MSR1: variants seen among roughly 807,000 people sequenced by gnomAD.
MSR1 encodes the protein macrophage scavenger receptor types I and II.
A neutral mutation model predicts 47.2 loss-of-function variants in MSR1; 53 were observed. That is an observed-to-expected ratio of 1.12 (90% confidence interval 0.90 to 1.41). The LOEUF (loss-of-function observed/expected upper bound fraction) is 1.41, where lower values mean the gene tolerates loss of function less well. MSR1 is among the 40% of genes most tolerant of loss of function. The pLI, the probability that MSR1 is intolerant of heterozygous loss-of-function variation, is 0.00. For missense variants in MSR1, 786 were observed against 546.9 expected (o/e 1.44, Z -4.36); for synonymous variants, 239 against 185.6 (o/e 1.29, Z -2.34).
intron 5 of MSR1, among the ~76,000 whole-genome samples, chr8:16,159,802 G>T (rs1344693573): frequency 6.6e-6 from 1 of 151,888 alleles, no homozygotes; most frequent in East Asian, 1.9e-4. Flanking sequence ...ACAGAAATAA[G>T]TATCAGCTGG....
Position 16,164,238 on chromosome 8 carries a change from A to T in MSR1, c.644T>A (p.Leu215Ter), listed in dbSNP as rs771228917. 2 of 1,611,566 alleles carry T rather than the reference A, an allele frequency of 1.2e-6. No individual in the cohort carries two copies. Among genetic ancestry groups the T allele is most frequent in the Admixed American group, 3.3e-5 (2 of 59,932 alleles). ...TFKQQEEISK[L>*]EERVYNVSAE... ...TGATACATTGTAAACACGCTCCTCT[A>T]ATTTACTGATTTCCTGTAAAACATA... Residue 215 changes from leucine (L) to a stop codon, truncating the protein, a stop_gained, in exon 5 of 10, where the codon TTA becomes TAA. Transcript: ENST00000262101. LOFTEE classifies it high-confidence loss of function.
chr8:16,177,614 G>T (rs189204819), intron 2 of MSR1, among the ~76,000 whole-genome samples: 57 of 152,050 alleles, frequency 3.7e-4, no homozygotes, highest in African/African-American at 1.3e-3. Context: ...ATTAGCTCAC[G>T]GTGCTAGGAT....
At chr8:16,141,972 G>C (rs1271122636) in intron 8 of MSR1, among the ~76,000 whole-genome samples, 1 of 152,162 alleles carries the variant, frequency 6.6e-6, no homozygotes, top group Non-Finnish European at 1.5e-5. Flanking sequence ...AACTTTTTAA[G>C]AGGAACTCAG....
chr8:16,122,242 A>T (rs1478972408), intron 8 of MSR1, among the ~76,000 whole-genome samples: 1 of 152,164 alleles, frequency 6.6e-6, no homozygotes, highest in Non-Finnish European at 1.5e-5. Context: ...ATTTACTAGT[A>T]AAATTCCTGA....
At chr8:16,159,340 G>C (rs140373656) in intron 5 of MSR1, among the ~76,000 whole-genome samples, 1,642 of 151,628 alleles carry the variant, frequency 0.011, 31 homozygotes, top group African/African-American at 0.037. Flanking sequence ...GTTCATCTTT[G>C]CTTCTTTAAA....
chr8:16,158,068 A>G (rs1011248444), intron 5 of MSR1, among the ~76,000 whole-genome samples: 1 of 151,990 alleles, frequency 6.6e-6, no homozygotes, highest in African/African-American at 2.4e-5. Flanking sequence ...GCATCAATAA[A>G]TGGACAAAAT....
At chr8:16,142,451 A>T (rs1461117788) in intron 8 of MSR1, among the ~76,000 whole-genome samples, 1 of 152,170 alleles carries the variant, frequency 6.6e-6, no homozygotes, top group Non-Finnish European at 1.5e-5. Flanking sequence ...TATTGTTTTA[A>T]TATAACAGTA....
chr8:16,177,815 G>A, intron 2 of MSR1, 71 bp downstream of exon 2: 3 of 1,228,004 alleles, frequency 2.4e-6, no homozygotes, highest in South Asian at 1.2e-5. Flanking sequence ...TAAGTCTCAA[G>A]ACTATAATTT....
At chr8:16,111,015 A>G (rs1214471082) in intron 9 of MSR1, among the ~76,000 whole-genome samples, 1 of 151,896 alleles carries the variant, frequency 6.6e-6, no homozygotes, top group African/African-American at 2.4e-5. Context: ...TGATCTCAAA[A>G]TCAGAAACCT....
chr8:16,182,857 T>A (rs114325114), intron 1 of MSR1, among the ~76,000 whole-genome samples: 149 of 152,278 alleles, frequency 9.8e-4, no homozygotes, highest in African/African-American at 3.4e-3. Flanking sequence ...TTAAGAAGTA[T>A]AATATGGTAA....
chr8:16,140,490 G>C (rs1484257652), intron 8 of MSR1: 3 of 990,948 alleles, frequency 3.0e-6, no homozygotes, highest in East Asian at 1.1e-4. Context: ...CATGAGCAAA[G>C]CATGGCGAGA....
intron 1 of MSR1, chr8:16,186,398 T>A: frequency 1.8e-6 from 1 of 547,736 alleles, no homozygotes; most frequent in Non-Finnish European, 3.2e-6. Context: ...CTCTTGCCCA[T>A]AGCTCGTCTC....
intron 8 of MSR1, 122 bp from the exon 9 acceptor site, chr8:16,120,728 C>A: frequency 8.5e-7 from 1 of 1,176,296 alleles, no homozygotes; most frequent in Non-Finnish European, 1.2e-6. Context: ...TTCCAAATAA[C>A]TTCAACTATT....
intron 8 of MSR1, among the ~76,000 whole-genome samples, chr8:16,125,046 C>A (rs908971163): frequency 5.1e-4 from 78 of 151,974 alleles, no homozygotes; most frequent in African/African-American, 1.8e-3. Context: ...GGAAAAAAAC[C>A]CATATGGCTG....
At chr8:16,129,206 G>C (rs557590380) in intron 8 of MSR1, among the ~76,000 whole-genome samples, 1 of 152,194 alleles carries the variant, frequency 6.6e-6, no homozygotes, top group South Asian at 2.1e-4. Context: ...AACGTCATTA[G>C]GAAATGGGTC....
chr8:16,119,046 A>G (rs1181915661), intron 9 of MSR1, among the ~76,000 whole-genome samples: 1 of 152,094 alleles, frequency 6.6e-6, no homozygotes, highest in Non-Finnish European at 1.5e-5. Context: ...TGTTTCTTCT[A>G]TGTAAACCTT....
intron 5 of MSR1, among the ~76,000 whole-genome samples, chr8:16,161,016 G>C (rs1156346838): frequency 1.3e-5 from 2 of 150,040 alleles, no homozygotes; most frequent in African/African-American, 4.9e-5. Context: ...TAATTTGTGT[G>C]GGTTTTCTTA....
intron 5 of MSR1, among the ~76,000 whole-genome samples, chr8:16,160,274 T>A (rs2117159028): frequency 6.6e-6 from 1 of 152,146 alleles, no homozygotes; most frequent in Admixed American, 6.6e-5. Flanking sequence ...GAACAGAGAA[T>A]ACAGAATGTT....
At chr8:16,134,309 T>A (rs1026132607) in intron 8 of MSR1, among the ~76,000 whole-genome samples, 2 of 152,134 alleles carry the variant, frequency 1.3e-5, no homozygotes, top group African/African-American at 4.8e-5. Flanking sequence ...ATAAGCTAGC[T>A]TGTTTTAGTG....
Sources: allele counts gnomAD v4.1 joint callset (sites outside exome capture counted in the v4.1 genomes callset), GRCh38; gene constraint gnomAD v4.1.1; transcripts MANE v1.5; gene names NCBI Gene and HGNC (gene_info 2026-07-23, HGNC 2026-07-21).